HMGA1: variants seen among roughly 807,000 people sequenced by gnomAD.
HMGA1 encodes high mobility group AT-hook 1, also known as high mobility group protein HMG-I/HMG-Y.
Under a neutral mutation model 15.1 loss-of-function variants are expected in HMGA1, and 1 was observed. That is an observed-to-expected ratio of 0.07 (90% CI 0.02 to 0.31). The LOEUF (loss-of-function observed/expected upper bound fraction) is 0.31. Among genes scored for constraint, HMGA1 ranks in the 10% least tolerant of loss-of-function variants. The pLI is 1.00. For synonymous variants in HMGA1, 56 were observed against 54.8 expected (o/e 1.02, Z -0.10); for missense variants, 94 against 141.4 (o/e 0.66, Z 1.70).
At chr6:34,238,344 G>A (rs1358689310) in intron 2 of HMGA1, among the ~76,000 whole-genome samples, 2 of 152,150 alleles carry the variant, frequency 1.3e-5, no homozygotes, top group Non-Finnish European at 2.9e-5. Flanking sequence ...GCCGGGTCTG[G>A]AGCCTGATGC....
intron 4 of HMGA1, 126 bp from the exon 5 acceptor site, chr6:34,243,342 G>T: frequency 1.3e-6 from 1 of 764,992 alleles, no homozygotes; most frequent in Non-Finnish European, 2.3e-6. Context: ...ACTTGGGTGG[G>T]CCTGTTGGGT....
At chr6:34,243,221 A>AT (rs536977825) in intron 4 of HMGA1, among the ~76,000 whole-genome samples, 150 of 151,034 alleles carry the variant, frequency 9.9e-4, no homozygotes, top group Non-Finnish European at 1.9e-3. Flanking sequence ...TTTTTATTTT[A>AT]TTTTTTCTAA....
intron 4 of HMGA1, 46 bp from the exon 5 acceptor site, chr6:34,243,422 C>A: frequency 6.7e-7 from 1 of 1,487,924 alleles, no homozygotes; most frequent in Non-Finnish European, 9.4e-7. Flanking sequence ...CGGGTGAGCA[C>A]TGATGAGCAT....
At position 34,241,072 on chromosome 6, in the gene HMGA1, C is replaced by T. The variant is rs149721345; in HGVS notation, c.135+157C>T. Among the ~76,000 whole-genome samples, 1,145 of 152,254 alleles carry T rather than the reference C, an allele frequency of 7.5e-3. 9 individuals are homozygous for T. Among genetic ancestry groups the T allele is most frequent in the Middle Eastern group, 0.017 (5 of 294 alleles). On this transcript the variant is annotated intron_variant, in intron 3 of 5. Transcript: ENST00000311487. ...CCTCCCACCTGTGTGTACTCCTGCCCCACTTGCAACCCTGGTCAGATCTCT... is the reference window on the plus strand; with the variant it reads ...CCTCCCACCTGTGTGTACTCCTGCCTCACTTGCAACCCTGGTCAGATCTCT...
rs748965352 is a variant in HMGA1 at position 34,240,906 on chromosome 6, A to G, written c.126A>G (p.Val42=). The change falls in exon 3 of 6, where the codon GTA becomes GTG. Residue 42 remains valine, a synonymous_variant. Coordinates refer to ENST00000311487, the MANE Select transcript of HMGA1 (RefSeq NM_145899.3). ...CGGTGAGTCCCGGGACAGCGCTGGT[A>G]GGGAGTCAGGTGGGTGTCCAAACCT... ...QPPVSPGTAL[V]GSQKEPSEVP... 1 of 1,613,706 alleles carries G rather than the reference A, an allele frequency of 6.2e-7. No homozygotes were observed. The highest frequency in any genetic ancestry group is 8.5e-7 in the Non-Finnish European group (1 of 1,179,730).
At chr6:34,239,348 GTCC>G (rs72005584) in intron 2 of HMGA1, among the ~76,000 whole-genome samples, 3,798 of 151,550 alleles carry the variant, frequency 0.025, 51 homozygotes, top group Non-Finnish European at 0.035. Context: ...ACCTCAAGCA[GTCC>G]TCCTGCTTTG....
intron 3 of HMGA1, 136 bp downstream of exon 3, chr6:34,241,051 C>T (rs1263500018): frequency 1.4e-5 from 14 of 1,016,714 alleles, no homozygotes; most frequent in Non-Finnish European, 2.1e-5. Context: ...GTGTGTCCTC[C>T]CACCTGTGTG....
chr6:34,241,027 C>T (rs1177260936), intron 3 of HMGA1, 112 bp downstream of exon 3: 2 of 1,271,790 alleles, frequency 1.6e-6, no homozygotes, highest in Admixed American at 1.9e-5. Flanking sequence ...TGATTCTGCG[C>T]AGTAAGCGTG....
rs762816581 is a variant in HMGA1 at position 34,240,791 on chromosome 6, C to T, written c.11C>T (p.Ser4Leu). ...CTTAGAGAAGGGAAGATGAGTGAGT[C>T]GAGCTCGAAGTCCAGCCAGCCCTTG... MSE[S>L]SSKSSQPLAS... The change falls in exon 3 of 6, where the codon TCG (serine) becomes TTG (leucine). Residue 4 changes from serine to leucine, a missense_variant. Physicochemically the swap from Ser to Leu is moderately radical, Grantham distance 145. Coordinates refer to ENST00000311487, the MANE Select transcript of HMGA1 (RefSeq NM_145899.3). The T allele has an allele frequency of 1.2e-5, 20 of 1,612,300 alleles. No individual in the cohort carries two copies. The highest frequency in any genetic ancestry group is 5.0e-5 in the Admixed American group (3 of 59,982).
At chr6:34,239,712 C>T (rs763068119) in intron 2 of HMGA1, among the ~76,000 whole-genome samples, 4 of 152,118 alleles carry the variant, frequency 2.6e-5, no homozygotes, top group Non-Finnish European at 5.9e-5. Context: ...ATGTGGAGGA[C>T]TGTCCTTTTT....
At chr6:34,241,358 A>G (rs540805445) in intron 3 of HMGA1, among the ~76,000 whole-genome samples, 10 of 152,344 alleles carry the variant, frequency 6.6e-5, no homozygotes, top group Admixed American at 2.6e-4. Context: ...AATTTGCTGT[A>G]AAGTTGCTGA....
At chr6:34,237,504 G>A (rs1466556224) in intron 2 of HMGA1, among the ~76,000 whole-genome samples, 187 bp downstream of exon 2, 1 of 144,322 alleles carries the variant, frequency 6.9e-6, no homozygotes, top group Non-Finnish European at 1.5e-5. Flanking sequence ...GGCGGGGCCC[G>A]GCGGCGCGGG....
chr6:34,243,071 G>T (rs1762430327), intron 4 of HMGA1, among the ~76,000 whole-genome samples: 1 of 152,150 alleles, frequency 6.6e-6, no homozygotes, highest in South Asian at 2.1e-4. Context: ...AGGGCAGAGT[G>T]GGGAGAATGG....
rs140481117 is a variant in HMGA1, at chr6:34,245,877, A to G, written c.*993A>G. The G allele has an allele frequency of 2.5e-5, 8 of 318,054 alleles. No homozygotes were observed. Among genetic ancestry groups the G allele is most frequent in the Non-Finnish European group, 4.2e-5 (7 of 166,264 alleles). 19.7% of individuals were successfully genotyped at this position (318,054 alleles called of 1,614,324 possible). Reference sequence around the variant, plus strand: ...GGACAGTTGTGTTGTTTTTTGTTCAATGTTCCATTCTTCGACATCCGTCAT... The same window carrying G: ...GGACAGTTGTGTTGTTTTTTGTTCAGTGTTCCATTCTTCGACATCCGTCAT... On this transcript the variant is annotated 3_prime_UTR_variant, in exon 6 of 6. Transcript: ENST00000311487.
Position 34,236,889 on chromosome 6 carries a change from G to A in HMGA1, c.-233G>A, listed in dbSNP as rs1304273787. ...TGGGTCGCTCTTTTTAAGCTCCCCT[G>A]AGCCGGTGCTGCGCTCCTCTAATTG... On this transcript the variant is annotated 5_prime_UTR_variant, in exon 1 of 6. Coordinates refer to ENST00000311487, the MANE Select transcript of HMGA1 (RefSeq NM_145899.3). The A allele has an allele frequency of 6.6e-6, 1 of 152,584 alleles. No individual in the cohort carries two copies. The highest frequency in any genetic ancestry group is 1.5e-5 in the Non-Finnish European group (1 of 68,080). The allele number at this position is 152,584 out of a possible 1,614,324, so 9.5% of individuals were successfully genotyped here.
Position 34,240,929 on chromosome 6 carries a change from C to T in HMGA1, c.135+14C>T, listed in dbSNP as rs1762250852. 6 of 1,613,592 alleles carry T rather than the reference C, an allele frequency of 3.7e-6. No individual in the cohort carries two copies. The East Asian group carries it at 1.3e-4, about 36-fold the overall frequency. ...GTAGGGAGTCAGGTGGGTGTCCAAACCTTTGCTTCACTTGGTTTACCCTTT... is the reference window on the plus strand; with the variant it reads ...GTAGGGAGTCAGGTGGGTGTCCAAATCTTTGCTTCACTTGGTTTACCCTTT... On this transcript the variant is annotated intron_variant, in intron 3 of 5. Transcript: ENST00000311487.
chr6:34,237,333 G>GGCCCGCGGCGGCGGCGGCGGAGGGGGGC lies in HMGA1; in HGVS notation c.-45+24_-45+51dup, dbSNP rs1273538598. On this transcript the variant is annotated intron_variant, in intron 2 of 5. Transcript: ENST00000311487. ...CGAGCTCGCGGTGAGTCGTCCCCGG[G>GGCCCGCGGCGGCGGCGGCGGAGGGGGGC]GCCCGCGGCGGCGGCGGCGGAGGGG... is the stretch of plus-strand genomic sequence containing the variant. The GGCCCGCGGCGGCGGCGGCGGAGGGGGGC allele has an allele frequency of 5.5e-5, 8 of 146,086 alleles. No homozygotes were observed. The East Asian group carries it at 1.6e-3, about 29-fold the overall frequency. 9.0% of individuals were successfully genotyped at this position (146,086 alleles called of 1,614,324 possible).
At chr6:34,241,858 C>T (rs970662165) in intron 3 of HMGA1, among the ~76,000 whole-genome samples, 3 of 152,266 alleles carry the variant, frequency 2.0e-5, no homozygotes, top group African/African-American at 7.2e-5. Flanking sequence ...GACCTGGGCC[C>T]AGGGAGACAC....
At position 34,245,640 on chromosome 6, in the gene HMGA1, A is replaced by G. The variant is rs1460303905; in HGVS notation, c.*756A>G. ...ATGGAGATGCAGTCACTTATTGTCCAGGTGAGGCCCAAGAGCCCTGTGGCC... is the reference window on the plus strand; with the variant it reads ...ATGGAGATGCAGTCACTTATTGTCCGGGTGAGGCCCAAGAGCCCTGTGGCC... On this transcript the variant is annotated 3_prime_UTR_variant, in exon 6 of 6. Coordinates refer to ENST00000311487, the MANE Select transcript of HMGA1 (RefSeq NM_145899.3). The G allele has an allele frequency of 1.2e-5, 16 of 1,373,770 alleles. No individual in the cohort carries two copies. The highest frequency in any genetic ancestry group is 1.4e-5 in the African/African-American group (1 of 69,498). 85.1% of individuals were successfully genotyped at this position (1,373,770 alleles called of 1,614,324 possible). A position where few individuals can be genotyped will look rare whatever the true frequency, so the allele number is the denominator to read the frequency against.
Sources: allele counts gnomAD v4.1 joint callset (sites outside exome capture counted in the v4.1 genomes callset), GRCh38; gene constraint gnomAD v4.1.1; transcripts MANE v1.5; gene names NCBI Gene and HGNC (gene_info 2026-07-23, HGNC 2026-07-21).